The following MSRA variants were observed in gnomAD, a reference collection of about 807,000 sequenced individuals.
MSRA encodes the protein methionine sulfoxide reductase A.
In MSRA, 54 loss-of-function variants were observed where a neutral mutation model predicts 31.3. The ratio of observed to expected loss-of-function variants is 1.73; its 90% CI spans 1.39 to 2.17. The LOEUF (loss-of-function observed/expected upper bound fraction) is 2.17. MSRA is among the 30% of genes most tolerant of loss of function. The pLI, the probability that MSRA is intolerant of heterozygous loss-of-function variation, is 0.00. For synonymous variants in MSRA, 169 were observed against 116.5 expected (o/e 1.45, Z -2.90); for missense variants, 507 against 300.9 (o/e 1.69, Z -5.07).
At chr8:10,406,135 C>T (rs997712342) in intron 5 of MSRA, among the ~76,000 whole-genome samples, 2 of 152,228 alleles carry the variant, frequency 1.3e-5, no homozygotes, top group African/African-American at 4.8e-5. Flanking sequence ...CTCCCTGTAT[C>T]CGACTCCCAG....
chr8:10,278,531 A>G (rs1422976012), intron 3 of MSRA, among the ~76,000 whole-genome samples: 1 of 152,198 alleles, frequency 6.6e-6, no homozygotes, highest in Non-Finnish European at 1.5e-5. Context: ...CATCCAGCCC[A>G]TCAGATGGAC....
intron 2 of MSRA, among the ~76,000 whole-genome samples, chr8:10,242,150 A>G (rs1366836584): frequency 2.6e-5 from 4 of 152,084 alleles, no homozygotes; most frequent in African/African-American, 4.8e-5. Flanking sequence ...ACGCGCTTGT[A>G]ATCTCAGCTA....
At chr8:10,254,501 G>T (rs866788791) in intron 3 of MSRA, among the ~76,000 whole-genome samples, 1 of 152,014 alleles carries the variant, frequency 6.6e-6, no homozygotes, top group African/African-American at 2.4e-5. Context: ...GTTCTCAATG[G>T]GTATTACAAT....
At chr8:10,245,548 C>T (rs531529219) in intron 3 of MSRA, among the ~76,000 whole-genome samples, 4 of 152,192 alleles carry the variant, frequency 2.6e-5, no homozygotes, top group Non-Finnish European at 5.9e-5. Context: ...GTTAGCCTCA[C>T]CTGGGATTTG....
intron 1 of MSRA, among the ~76,000 whole-genome samples, chr8:10,104,701 T>A (rs902382049): frequency 6.6e-6 from 1 of 152,172 alleles, no homozygotes; most frequent in African/African-American, 2.4e-5. Flanking sequence ...TGTGTTGATA[T>A]TAATGCTGGC....
At chr8:10,212,566 G>A (rs1809597457) in intron 2 of MSRA, among the ~76,000 whole-genome samples, 1 of 152,206 alleles carries the variant, frequency 6.6e-6, no homozygotes, top group South Asian at 2.1e-4. Flanking sequence ...TGTTCTTCCT[G>A]AATAACTTCA....
chr8:10,228,975 A>G (rs1283487302), intron 2 of MSRA, among the ~76,000 whole-genome samples: 3 of 152,124 alleles, frequency 2.0e-5, no homozygotes, highest in Admixed American at 6.5e-5. Flanking sequence ...CACAATTGTA[A>G]TGTCACAGTT....
intron 1 of MSRA, among the ~76,000 whole-genome samples, chr8:10,061,563 C>A (rs1335651562): frequency 6.6e-6 from 1 of 152,144 alleles, no homozygotes. Flanking sequence ...GTAGTGAGCT[C>A]ACAGCACTTC....
At chr8:10,221,658 C>T (rs990410181) in intron 2 of MSRA, among the ~76,000 whole-genome samples, 3 of 151,786 alleles carry the variant, frequency 2.0e-5, no homozygotes, top group African/African-American at 4.8e-5. Context: ...TAGGGTGGGA[C>T]AGAAAATGAG....
intron 2 of MSRA, among the ~76,000 whole-genome samples, chr8:10,211,204 A>G (rs955120606): frequency 6.6e-6 from 1 of 152,210 alleles, no homozygotes; most frequent in African/African-American, 2.4e-5. Flanking sequence ...TGTGGGATAA[A>G]GGCATTCCAG....
intron 5 of MSRA, among the ~76,000 whole-genome samples, chr8:10,339,700 C>G (rs1585520753): frequency 6.6e-6 from 1 of 151,922 alleles, no homozygotes; most frequent in East Asian, 1.9e-4. Flanking sequence ...TGCCACCACG[C>G]CCGGCTAATT....
intron 1 of MSRA, among the ~76,000 whole-genome samples, chr8:10,165,540 G>A (rs911771107): frequency 2.0e-5 from 3 of 152,312 alleles, no homozygotes; most frequent in East Asian, 1.9e-4. Flanking sequence ...AGAGGGGACA[G>A]CAGCACGTTG....
At chr8:10,160,731 T>G (rs1393651375) in intron 1 of MSRA, among the ~76,000 whole-genome samples, 1 of 152,024 alleles carries the variant, frequency 6.6e-6, no homozygotes, top group Non-Finnish European at 1.5e-5. Flanking sequence ...GATTTCACCA[T>G]CTTGGCCAGG....
At chr8:10,268,840 T>C (rs1404201950) in intron 3 of MSRA, among the ~76,000 whole-genome samples, 1 of 152,248 alleles carries the variant, frequency 6.6e-6, no homozygotes. Context: ...AGAGAATGCT[T>C]TCCTGTTATC....
chr8:10,179,635 C>G (rs1806365506), intron 1 of MSRA, among the ~76,000 whole-genome samples: 1 of 152,166 alleles, frequency 6.6e-6, no homozygotes, highest in Non-Finnish European at 1.5e-5. Context: ...ATCGACCCAG[C>G]TGATGGGGCA....
chr8:10,373,276 A>C (rs1208941490), intron 5 of MSRA, among the ~76,000 whole-genome samples: 1 of 152,206 alleles, frequency 6.6e-6, no homozygotes, highest in Non-Finnish European at 1.5e-5. Context: ...CATTTTTCCA[A>C]ATAGTCAACC....
At chr8:10,411,173 C>T (rs940699313) in intron 5 of MSRA, 1 of 152,172 alleles carries the variant, frequency 6.6e-6, no homozygotes, top group Non-Finnish European at 1.5e-5. Flanking sequence ...CCGAAGACGC[C>T]TGCTTGGAAG....
chr8:10,366,109 G>A (rs926347435), intron 5 of MSRA, among the ~76,000 whole-genome samples: 1 of 152,210 alleles, frequency 6.6e-6, no homozygotes, highest in Non-Finnish European at 1.5e-5. Flanking sequence ...GTGGCCTGTC[G>A]AAAGGGAAGA....
At chr8:10,201,243 G>A (rs780151318) in intron 1 of MSRA, among the ~76,000 whole-genome samples, 3 of 152,186 alleles carry the variant, frequency 2.0e-5, no homozygotes, top group Non-Finnish European at 4.4e-5. Context: ...CACTTGATAC[G>A]TCAGTCCAGA....
Sources: allele counts gnomAD v4.1 joint callset (sites outside exome capture counted in the v4.1 genomes callset), GRCh38; gene constraint gnomAD v4.1.1; transcripts MANE v1.5; gene names NCBI Gene and HGNC (gene_info 2026-07-23, HGNC 2026-07-21).